Variants in FRS2 observed in about 807,000 individuals in gnomAD.
FRS2 encodes fibroblast growth factor receptor substrate 2, also known as FGFR signalling adaptor.
In FRS2, 8 loss-of-function variants were observed where a neutral mutation model predicts 43.9. The ratio of observed to expected loss-of-function variants is 0.18; its 90% CI spans 0.11 to 0.33. FRS2 has a LOEUF of 0.33. Ranked by LOEUF, FRS2 falls within the 10% of genes least tolerant of loss-of-function variation. The pLI, the probability that FRS2 is intolerant of heterozygous loss-of-function variation, is 1.00. For missense variants in FRS2, 534 were observed against 627.6 expected, an observed-to-expected ratio of 0.85 and a Z score of 1.59; for synonymous variants, 219 against 220.3, an observed-to-expected ratio of 0.99 and a Z score of 0.05.
rs1202677559 is a variant in FRS2 at position 69,558,831 on chromosome 12, CAG to C, written c.-121-3348_-121-3347del. The stretch of plus-strand genomic sequence containing the variant: ...TTATCTTTATTTCTAGCACTTAACT[CAG>C]TGCCTGACACACAGAATAGGTGCTC... On this transcript the variant is annotated intron_variant, in intron 3 of 8. Transcript: ENST00000549921. Among the ~76,000 whole-genome samples, 5 of 152,306 alleles carry C rather than the reference CAG, an allele frequency of 3.3e-5. No homozygotes were observed. In the East Asian group the frequency reaches 9.6e-4, roughly 29 times the overall value.
chr12:69,546,667 A>C (rs1309971671), intron 3 of FRS2, among the ~76,000 whole-genome samples: 2 of 152,154 alleles, frequency 1.3e-5, no homozygotes, highest in Non-Finnish European at 1.5e-5. Flanking sequence ...CTGGGATTAC[A>C]GGTGTGAGCC....
chr12:69,519,207 T>C (rs1472361292), intron 1 of FRS2, among the ~76,000 whole-genome samples: 1 of 152,148 alleles, frequency 6.6e-6, no homozygotes. Context: ...CTGAGGTGTT[T>C]TGGTATTCAT....
At chr12:69,483,935 C>G (rs1431972187) in intron 1 of FRS2, among the ~76,000 whole-genome samples, 1 of 152,106 alleles carries the variant, frequency 6.6e-6, no homozygotes, top group Non-Finnish European at 1.5e-5. Context: ...CTCCTTCCCC[C>G]AACTTACTAG....
At chr12:69,478,638 T>G (rs1205927372) in intron 1 of FRS2, among the ~76,000 whole-genome samples, 1 of 152,204 alleles carries the variant, frequency 6.6e-6, no homozygotes, top group South Asian at 2.1e-4. Context: ...TCTAAATTTT[T>G]GGGGAGGAGC....
chr12:69,523,476 T>A (rs1183954473), intron 1 of FRS2, among the ~76,000 whole-genome samples: 1 of 152,242 alleles, frequency 6.6e-6, no homozygotes, highest in Non-Finnish European at 1.5e-5. Flanking sequence ...TGTCACTGCA[T>A]GTGAGATGGG....
At chr12:69,494,147 G>C (rs893804916) in intron 1 of FRS2, among the ~76,000 whole-genome samples, 39 of 152,098 alleles carry the variant, frequency 2.6e-4, no homozygotes, top group Non-Finnish European at 2.8e-4. Context: ...GAATTTATTC[G>C]TCCATTTGTG....
rs151295024 is a variant in FRS2 at position 69,538,197 on chromosome 12, TTATATA to T, written c.-122+6162_-122+6167del. 9.1e-3 allele frequency among the ~76,000 whole-genome samples: 745 copies of T among 81,616 alleles called. 32 individuals are homozygous for T. Among genetic ancestry groups the T allele is most frequent in the African/African-American group, 0.038 (682 of 18,138 alleles). The allele number at this position is 81,616 out of a possible 152,430, so 53.5% of individuals were successfully genotyped here. On this transcript the variant is annotated intron_variant, in intron 3 of 8. Transcript: ENST00000549921. ...AATAATAAAATTAAAAAAACAAATT[TTATATA>T]TATATATATATATATATATAGCATT...
rs1471302092 is a variant in FRS2, at chr12:69,555,289, GCC to G, written c.-121-6889_-121-6888del. On this transcript the variant is annotated intron_variant, in intron 3 of 8. Coordinates refer to ENST00000549921, the MANE Select transcript of FRS2 (RefSeq NM_001278356.2). ...TCAAACTCCTAACCTTAGGTGATCTGCCCGCCTCAGCCTCCCAAAGTGCTGGA... is the reference window on the plus strand; with the variant it reads ...TCAAACTCCTAACCTTAGGTGATCTGCGCCTCAGCCTCCCAAAGTGCTGGA... 8.6e-5 allele frequency among the ~76,000 whole-genome samples: 13 copies of G among 151,818 alleles called. No homozygotes were observed. The East Asian group carries it at 2.5e-3, about 30-fold the overall frequency.
chr12:69,503,029 C>T (rs561168629), intron 1 of FRS2, among the ~76,000 whole-genome samples: 1 of 152,296 alleles, frequency 6.6e-6, no homozygotes, highest in African/African-American at 2.4e-5. Flanking sequence ...ATTCTCTGCT[C>T]AGGATATCAC....
intron 3 of FRS2, among the ~76,000 whole-genome samples, chr12:69,552,330 A>G (rs1029005559): frequency 1.4e-5 from 2 of 142,982 alleles, no homozygotes; most frequent in African/African-American, 5.1e-5. Context: ...AAAAAAAATC[A>G]TGTCTCAGCT....
chr12:69,525,707 ATTAT>A (rs1221861408), intron 1 of FRS2, among the ~76,000 whole-genome samples: 1 of 150,766 alleles, frequency 6.6e-6, no homozygotes, highest in African/African-American at 2.4e-5. Context: ...TGTGAGGGAG[ATTAT>A]TTTTTTTTTT....
At chr12:69,505,075 T>C (rs571082735) in intron 1 of FRS2, among the ~76,000 whole-genome samples, 1 of 152,330 alleles carries the variant, frequency 6.6e-6, no homozygotes, top group East Asian at 1.9e-4. Context: ...CTTTGGCTGA[T>C]CTCAAACTTC....
intron 1 of FRS2, among the ~76,000 whole-genome samples, chr12:69,470,792 C>CT (rs1870199178): frequency 6.6e-6 from 1 of 151,926 alleles, no homozygotes; most frequent in African/African-American, 2.4e-5. Flanking sequence ...TGGGGATGGG[C>CT]TGGGCCTCTG....
intron 1 of FRS2, among the ~76,000 whole-genome samples, chr12:69,514,913 GAGA>G (rs1169369203): frequency 6.6e-6 from 1 of 152,016 alleles, no homozygotes; most frequent in Non-Finnish European, 1.5e-5. Flanking sequence ...CATATGGCAG[GAGA>G]AGTTCAAGCA....
At chr12:69,561,151 G>A (rs1879841185) in intron 3 of FRS2, among the ~76,000 whole-genome samples, 1 of 152,116 alleles carries the variant, frequency 6.6e-6, no homozygotes, top group African/African-American at 2.4e-5. Context: ...CAGAGATAAA[G>A]CATGGCGTAT....
chr12:69,506,794 A>T (rs186906636), intron 1 of FRS2, among the ~76,000 whole-genome samples: 25 of 152,334 alleles, frequency 1.6e-4, no homozygotes, highest in Non-Finnish European at 3.7e-4. Context: ...TCCAAAACTC[A>T]TGTTGAAACT....
intron 3 of FRS2, among the ~76,000 whole-genome samples, chr12:69,552,891 CAAAAA>C (rs369307414): frequency 1.6e-5 from 2 of 125,570 alleles, no homozygotes; most frequent in African/African-American, 6.0e-5. Context: ...GACTCCATCT[CAAAAA>C]AAAAAAAAGT....
Position 69,576,697 on chromosome 12 carries a change from A to G in FRS2, c.*1742A>G, listed in dbSNP as rs1273853775. On this transcript the variant is annotated 3_prime_UTR_variant, in exon 9 of 9. Transcript: ENST00000549921. The stretch of plus-strand genomic sequence containing the variant: ...ATCATTATAAAGAAAATAAATTATT[A>G]AAGGTGTCTTTATCGTTTTAGTGCC... 6.6e-6 allele frequency: 1 copy of G among 152,290 alleles called. No homozygotes were observed. Among genetic ancestry groups the G allele is most frequent in the Non-Finnish European group, 1.5e-5 (1 of 68,024 alleles). 9.4% of individuals were successfully genotyped at this position (152,290 alleles called of 1,614,324 possible). A position where few individuals can be genotyped will look rare whatever the true frequency, so the allele number is the denominator to read the frequency against.
At chr12:69,556,443 A>G (rs1373830480) in intron 3 of FRS2, among the ~76,000 whole-genome samples, 6 of 151,594 alleles carry the variant, frequency 4.0e-5, no homozygotes, top group African/African-American at 1.5e-4. Flanking sequence ...AGCGATTCAC[A>G]TGTCTCAGTC....
Sources: allele counts gnomAD v4.1 joint callset (sites outside exome capture counted in the v4.1 genomes callset), GRCh38; gene constraint gnomAD v4.1.1; transcripts MANE v1.5; gene names NCBI Gene and HGNC (gene_info 2026-07-23, HGNC 2026-07-21).